ZNF491: variants seen among roughly 807,000 people sequenced by gnomAD.
ZNF491 encodes the protein zinc finger protein 491.
Under a neutral mutation model 34.7 loss-of-function variants are expected in ZNF491, and 22 were observed. The ratio of observed to expected loss-of-function variants is 0.63; its 90% CI spans 0.45 to 0.90. ZNF491 has a LOEUF of 0.90. Among genes scored for constraint, ZNF491 ranks in the 40% least tolerant of loss-of-function variants. ZNF491 has a pLI of 0.00. For synonymous variants in ZNF491, 148 were observed against 174.3 expected, an observed-to-expected ratio of 0.85 and a Z score of 1.19; for missense variants, 559 against 531.7, an observed-to-expected ratio of 1.05 and a Z score of -0.51.
chr19:11,806,349 A>T lies in ZNF491; in HGVS notation c.396A>T (p.Lys132Asn). Residue 132 changes from lysine (K) to asparagine (N), a missense_variant, in exon 3 of 3, where the codon AAA (lysine) becomes AAT (asparagine). Lys to Asn is a moderately conservative substitution (Grantham distance 94). Coordinates refer to ENST00000323169, the MANE Select transcript of ZNF491 (RefSeq NM_152356.4). The part of the protein sequence containing the change: ...MVTHSGDGPY[K>N]CKFCGKALDC... The stretch of plus-strand genomic sequence containing the variant: ...CGCACAGTGGAGATGGACCTTATAA[A>T]TGTAAGTTTTGTGGGAAAGCCTTGG... 1 of 1,612,902 alleles carries T rather than the reference A, an allele frequency of 6.2e-7. No homozygotes were observed. Among genetic ancestry groups the T allele is most frequent in the Non-Finnish European group, 8.5e-7 (1 of 1,179,606 alleles).
rs913842279 is a variant in ZNF491 at position 11,798,810 on chromosome 19, C to A, written c.-134+83C>A. On this transcript the variant is annotated intron_variant, in intron 1 of 2. Coordinates refer to ENST00000323169, the MANE Select transcript of ZNF491 (RefSeq NM_152356.4). This position sits in a 1 kb window ranked among gnomAD's most constrained non-coding sequence, Gnocchi z 4.0. ...GGATCCTGCTGTGGCGGGACCCAGGCCTCCGCTCGGGCGACCCCGGCGATT... is the reference window on the plus strand; with the variant it reads ...GGATCCTGCTGTGGCGGGACCCAGGACTCCGCTCGGGCGACCCCGGCGATT... 1 of 152,310 alleles carries A rather than the reference C, an allele frequency of 6.6e-6. No homozygotes were observed. Among genetic ancestry groups the A allele is most frequent in the African/African-American group, 2.4e-5 (1 of 41,458 alleles). The allele number at this position is 152,310 out of a possible 1,614,324, so 9.4% of individuals were successfully genotyped here.
In ZNF491 at chr19:11,806,330, G is replaced by C. The variant is rs1191550209; in HGVS notation, c.377G>C (p.Ser126Thr). The part of the protein sequence containing the change: ...ASIRRYMVTH[S>T]GDGPYKCKFC... ...ATTCGAAGATATATGGTAACGCACAGTGGAGATGGACCTTATAAATGTAAG... is the reference window on the plus strand; with the variant it reads ...ATTCGAAGATATATGGTAACGCACACTGGAGATGGACCTTATAAATGTAAG... Residue 126 changes from serine to threonine, a missense_variant, in exon 3 of 3, where the codon AGT (serine) becomes ACT (threonine). By Grantham distance (58) the Ser-to-Thr change is moderately conservative. Coordinates refer to ENST00000323169, the MANE Select transcript of ZNF491 (RefSeq NM_152356.4). The C allele has an allele frequency of 6.2e-7, 1 of 1,612,014 alleles. No individual in the cohort carries two copies. Among genetic ancestry groups the C allele is most frequent in the Non-Finnish European group, 8.5e-7 (1 of 1,179,254 alleles).
intron 1 of ZNF491, chr19:11,799,187 G>A (rs957238307): frequency 6.6e-6 from 1 of 152,258 alleles, no homozygotes; most frequent in Non-Finnish European, 1.5e-5. Context: ...TAAGTTGCAT[G>A]AGGAGGCAAA....
Position 11,806,629 on chromosome 19 carries a change from T to C in ZNF491, c.676T>C (p.Cys226Arg). The change falls in exon 3 of 3, where the codon TGT (cysteine) becomes CGT (arginine). Residue 226 changes from cysteine to arginine, a missense_variant. Physicochemically the swap from Cys to Arg is radical, Grantham distance 180 (BLOSUM62 -3). Transcript: ENST00000323169. Reference protein sequence around the residue: ...KCKECGKAFNCPSSFHRHERT... With the variant: ...KCKECGKAFNRPSSFHRHERT... ...TAAGGAATGTGGGAAAGCCTTCAAT[T>C]GTCCCAGTTCTTTTCACAGGCATGA... is the stretch of plus-strand genomic sequence containing the variant. 2 of 1,613,766 alleles carry C rather than the reference T, an allele frequency of 1.2e-6. No homozygotes were observed. The highest frequency in any genetic ancestry group is 1.7e-6 in the Non-Finnish European group (2 of 1,179,906).
intron 1 of ZNF491, among the ~76,000 whole-genome samples, chr19:11,800,964 A>G (rs1975552490): frequency 1.3e-5 from 2 of 151,902 alleles, no homozygotes; most frequent in South Asian, 4.2e-4. Context: ...TTGAGCCCCG[A>G]AGATCCAAGG....
chr19:11,806,444 G>C lies in ZNF491; in HGVS notation c.491G>C (p.Cys164Ser). Residue 164 changes from cysteine (C) to serine (S), a missense_variant, in exon 3 of 3, where the codon TGT becomes TCT. Transcript: ENST00000323169. Reference protein sequence around the residue: ...TGEKRYECKQCGKAFSWHSSV... With the variant: ...TGEKRYECKQSGKAFSWHSSV... ...GAGAAACGATATGAATGTAAACAAT[G>C]TGGTAAAGCCTTCAGTTGGCACAGT... 1 of 1,613,420 alleles carries C rather than the reference G, an allele frequency of 6.2e-7. No homozygotes were observed. The highest frequency in any genetic ancestry group is 8.5e-7 in the Non-Finnish European group (1 of 1,179,694).
chr19:11,804,005 C>T (rs1196956551), intron 1 of ZNF491, among the ~76,000 whole-genome samples: 2 of 152,030 alleles, frequency 1.3e-5, no homozygotes, highest in Non-Finnish European at 2.9e-5. Flanking sequence ...GAGTTTGAGA[C>T]CAGCCTGACC....
intron 1 of ZNF491, among the ~76,000 whole-genome samples, chr19:11,804,270 T>C (rs1975586487): frequency 6.6e-6 from 1 of 150,756 alleles, no homozygotes; most frequent in Non-Finnish European, 1.5e-5. Flanking sequence ...GAGGGTCCAT[T>C]CCTCATGAAC....
chr19:11,804,501 C>A, intron 1 of ZNF491, 41 bp from the exon 2 acceptor site: 1 of 1,495,020 alleles, frequency 6.7e-7, no homozygotes, highest in Non-Finnish European at 8.9e-7. Context: ...CCAGTGCTGT[C>A]ACTCTCACCC....
In ZNF491 at chr19:11,807,233, G is replaced by T. The variant is rs191607910; in HGVS notation, c.1280G>T (p.Arg427Leu). The change falls in exon 3 of 3, where the codon CGA becomes CTA. Residue 427 changes from arginine to leucine, a missense_variant. By Grantham distance (102) the Arg-to-Leu change is moderately radical (BLOSUM62 -2). Coordinates refer to ENST00000323169, the MANE Select transcript of ZNF491 (RefSeq NM_152356.4). Reference sequence around the variant, plus strand: ...GCCTTCATTCGTTCCAGTTACTGTCGAAAACATGAAAGAACTCACACTATT... The same window carrying T: ...GCCTTCATTCGTTCCAGTTACTGTCTAAAACATGAAAGAACTCACACTATT... ...GKAFIRSSYCRKHERTHTINI is the reference protein window; with the variant it reads ...GKAFIRSSYCLKHERTHTINI 8 of 1,558,792 alleles carry T rather than the reference G, an allele frequency of 5.1e-6. No individual in the cohort carries two copies. Among genetic ancestry groups the T allele is most frequent in the Middle Eastern group, 3.4e-4 (2 of 5,806 alleles).
At chr19:11,799,472 G>A (rs1299123993) in intron 1 of ZNF491, among the ~76,000 whole-genome samples, 2 of 132,696 alleles carry the variant, frequency 1.5e-5, no homozygotes, top group Non-Finnish European at 3.1e-5. Flanking sequence ...TCAGAGTTTG[G>A]CCCGCCCCCC....
chr19:11,801,582 G>A (rs550565832), intron 1 of ZNF491, among the ~76,000 whole-genome samples: 1 of 152,320 alleles, frequency 6.6e-6, no homozygotes, highest in South Asian at 2.1e-4. Flanking sequence ...TTGAACCTGG[G>A]AGGCGGAGGT....
chr19:11,807,102 T>C lies in ZNF491; in HGVS notation c.1149T>C (p.Tyr383=), dbSNP rs145504440. 2,238 of 1,610,014 alleles carry C rather than the reference T, an allele frequency of 1.4e-3. 50 individuals are homozygous for C. The South Asian group carries it at 0.024, about 17-fold the overall frequency. The change falls in exon 3 of 3, where the codon TAT becomes TAC. Residue 383 remains tyrosine, a synonymous_variant. Coordinates refer to ENST00000323169, the MANE Select transcript of ZNF491 (RefSeq NM_152356.4). The stretch of plus-strand genomic sequence containing the variant: ...GGACTCACGCTGGAGAAAAACCTTA[T>C]GAATGTAAGCATTGTGGGAAAGCCT... ...HERTHAGEKP[Y]ECKHCGKAFT... is the part of the protein sequence containing the mutation.
intron 2 of ZNF491, among the ~76,000 whole-genome samples, 164 bp from the exon 3 acceptor site, chr19:11,805,783 G>T (rs1260195621): frequency 2.0e-5 from 3 of 152,156 alleles, no homozygotes; most frequent in Non-Finnish European, 2.9e-5. Context: ...GGCGGTGAAG[G>T]CTGCAGTGTG....
At position 11,808,279 on chromosome 19, in the gene ZNF491, G is replaced by C. The variant is rs1407312594; in HGVS notation, c.*1012G>C. Among the ~76,000 whole-genome samples, 1 of 151,864 alleles carries C rather than the reference G, an allele frequency of 6.6e-6. No individual in the cohort carries two copies. Among genetic ancestry groups the C allele is most frequent in the Non-Finnish European group, 1.5e-5 (1 of 67,992 alleles). On this transcript the variant is annotated 3_prime_UTR_variant, in exon 3 of 3. Transcript: ENST00000323169. Reference sequence around the variant, plus strand: ...TACCTGTAATCCCAGCTACTCGGGAGGCTGAGGCAGGAGAATCTCCTGAAC... The same window carrying C: ...TACCTGTAATCCCAGCTACTCGGGACGCTGAGGCAGGAGAATCTCCTGAAC...
At chr19:11,805,148 G>A (rs765085206) in intron 2 of ZNF491, among the ~76,000 whole-genome samples, 20 of 152,298 alleles carry the variant, frequency 1.3e-4, no homozygotes, top group Middle Eastern at 6.8e-3. Context: ...GGTGGCTCAC[G>A]CCTGTAATCC....
chr19:11,801,445 A>G (rs1975558633), intron 1 of ZNF491, among the ~76,000 whole-genome samples: 1 of 152,040 alleles, frequency 6.6e-6, no homozygotes, highest in Non-Finnish European at 1.5e-5. Flanking sequence ...TCATGAGGTC[A>G]GGAGTTCAAG....
intron 1 of ZNF491, among the ~76,000 whole-genome samples, chr19:11,799,463 CAG>C (rs1307042140): frequency 2.8e-5 from 4 of 144,262 alleles, no homozygotes; most frequent in African/African-American, 1.1e-4. Context: ...ACAATTTAAT[CAG>C]AGTTTGGCCC....
In ZNF491 at chr19:11,803,843, C is replaced by G. The variant is rs886158935; in HGVS notation, c.-133-699C>G. The stretch of plus-strand genomic sequence containing the variant: ...TACTCTGTTCTTTGGAAGTGAGTCA[C>G]TAAGTCCAGCACAGGTCCAAGGGAG... On this transcript the variant is annotated intron_variant, in intron 1 of 2. Coordinates refer to ENST00000323169, the MANE Select transcript of ZNF491 (RefSeq NM_152356.4). Among the ~76,000 whole-genome samples the G allele has an allele frequency of 2.6e-5, 4 of 152,166 alleles. No homozygotes were observed. In the East Asian group the frequency reaches 7.7e-4, roughly 29 times the overall value.
Sources: allele counts gnomAD v4.1 joint callset (sites outside exome capture counted in the v4.1 genomes callset), GRCh38; gene constraint gnomAD v4.1.1; non-coding constraint Gnocchi (gnomAD v3.1); transcripts MANE v1.5; gene names NCBI Gene and HGNC (gene_info 2026-07-23, HGNC 2026-07-21).